The following CNTNAP2 variants were observed in gnomAD, a reference collection of about 807,000 sequenced individuals.
The protein encoded by CNTNAP2 is contactin-associated protein-like 2.
Under a neutral mutation model 155.2 loss-of-function variants are expected in CNTNAP2, and 98 were observed. That is an observed-to-expected ratio of 0.63 (90% CI 0.54 to 0.75). The LOEUF (loss-of-function observed/expected upper bound fraction) is 0.75. Among genes scored for constraint, CNTNAP2 ranks in the 30% least tolerant of loss-of-function variants. CNTNAP2 has a pLI of 0.00. For synonymous variants in CNTNAP2, 651 were observed against 631.2 expected (o/e 1.03, Z -0.47); for missense variants, 1,727 against 1,688.1 (o/e 1.02, Z -0.40).
At chr7:146,620,284 T>A (rs1204106131) in intron 1 of CNTNAP2, among the ~76,000 whole-genome samples, 1 of 152,072 alleles carries the variant, frequency 6.6e-6, no homozygotes, top group African/African-American at 2.4e-5. Flanking sequence ...AGACATACAA[T>A]CTCATCGTGA....
chr7:146,874,401 G>A (rs1795377960), intron 3 of CNTNAP2, among the ~76,000 whole-genome samples: 1 of 152,084 alleles, frequency 6.6e-6, no homozygotes, highest in South Asian at 2.1e-4. Flanking sequence ...GTGCAATGGT[G>A]CAATCTTGGC....
intron 15 of CNTNAP2, among the ~76,000 whole-genome samples, chr7:147,997,746 A>G (rs1425553997): frequency 6.6e-6 from 1 of 152,108 alleles, no homozygotes; most frequent in Non-Finnish European, 1.5e-5. Context: ...GACTCCCCTT[A>G]TGGGAGTCTT....
At chr7:147,222,811 GTTTTTT>G (rs35654327) in intron 8 of CNTNAP2, among the ~76,000 whole-genome samples, 2 of 81,922 alleles carry the variant, frequency 2.4e-5, no homozygotes, top group Non-Finnish European at 4.8e-5. Context: ...GTTTCTCAGG[GTTTTTT>G]TTTTTTTTTT....
At chr7:148,184,425 C>G (rs1263331327) in intron 18 of CNTNAP2, among the ~76,000 whole-genome samples, 1 of 152,132 alleles carries the variant, frequency 6.6e-6, no homozygotes, top group Non-Finnish European at 1.5e-5. Context: ...TGCAAATTTG[C>G]TTACTTTAGA....
At chr7:146,405,456 T>C (rs1171074463) in intron 1 of CNTNAP2, among the ~76,000 whole-genome samples, 2 of 152,254 alleles carry the variant, frequency 1.3e-5, no homozygotes, top group Admixed American at 6.5e-5. Context: ...CTGGTAGATA[T>C]AGCCTGTCAT....
At chr7:146,697,213 G>C (rs1253688067) in intron 1 of CNTNAP2, among the ~76,000 whole-genome samples, 1 of 151,878 alleles carries the variant, frequency 6.6e-6, no homozygotes, top group Non-Finnish European at 1.5e-5. Flanking sequence ...TTTCATCAGA[G>C]AGTTAATACC....
intron 2 of CNTNAP2, among the ~76,000 whole-genome samples, chr7:146,787,334 G>T (rs1802591485): frequency 6.6e-6 from 1 of 152,156 alleles, no homozygotes; most frequent in Non-Finnish European, 1.5e-5. Flanking sequence ...TGCGGTGAGG[G>T]TTACAGTTCT....
chr7:146,121,085 T>A (rs1349754887), intron 1 of CNTNAP2, among the ~76,000 whole-genome samples: 1 of 150,264 alleles, frequency 6.7e-6, no homozygotes, highest in Admixed American at 6.6e-5. Flanking sequence ...AGACAAAAAC[T>A]TACTCAAATG....
intron 1 of CNTNAP2, among the ~76,000 whole-genome samples, chr7:146,692,153 C>T (rs1474210873): frequency 1.3e-5 from 2 of 152,114 alleles, no homozygotes; most frequent in Non-Finnish European, 2.9e-5. Flanking sequence ...TGCAGTCTTA[C>T]GTAGTCTTCT....
At chr7:147,184,463 CT>C (rs1443473339) in intron 8 of CNTNAP2, among the ~76,000 whole-genome samples, 1 of 152,118 alleles carries the variant, frequency 6.6e-6, no homozygotes, top group Non-Finnish European at 1.5e-5. Flanking sequence ...TACTTATATA[CT>C]CTTACAGACT....
intron 21 of CNTNAP2, chr7:148,381,395 C>T (rs35544280): frequency 0.38 from 58,409 of 152,086 alleles, 12,255 homozygotes; most frequent in East Asian, 0.66. Context: ...TTTTTATTGC[C>T]GATGAAAGTG....
intron 2 of CNTNAP2, among the ~76,000 whole-genome samples, chr7:146,813,317 A>C (rs893586257): frequency 5.3e-5 from 8 of 152,206 alleles, no homozygotes; most frequent in Non-Finnish European, 1.2e-4. Context: ...ATACCCTGCA[A>C]AGTCACAGGG....
intron 1 of CNTNAP2, among the ~76,000 whole-genome samples, chr7:146,216,745 A>G (rs1258027125): frequency 1.3e-5 from 2 of 152,228 alleles, no homozygotes; most frequent in Non-Finnish European, 1.5e-5. Flanking sequence ...ACATGAAATC[A>G]CAAGCTAACC....
intron 1 of CNTNAP2, among the ~76,000 whole-genome samples, chr7:146,642,652 A>G (rs1257749985): frequency 6.6e-6 from 1 of 152,120 alleles, no homozygotes; most frequent in East Asian, 1.9e-4. Context: ...AGCATGATTT[A>G]TAGTCCTTTG....
At chr7:147,475,834 A>G (rs1489942446) in intron 10 of CNTNAP2, among the ~76,000 whole-genome samples, 1 of 152,170 alleles carries the variant, frequency 6.6e-6, no homozygotes, top group African/African-American at 2.4e-5. Flanking sequence ...TTTTTCTCAC[A>G]TGATAGCTGA....
chr7:147,555,765 A>G (rs1358197604), intron 11 of CNTNAP2, among the ~76,000 whole-genome samples: 1 of 152,172 alleles, frequency 6.6e-6, no homozygotes, highest in Non-Finnish European at 1.5e-5. Context: ...AAGGATGTAT[A>G]TTTCAAGTTT....
intron 11 of CNTNAP2, among the ~76,000 whole-genome samples, chr7:147,491,635 G>A (rs1798611190): frequency 6.6e-6 from 1 of 152,150 alleles, no homozygotes; most frequent in Non-Finnish European, 1.5e-5. Context: ...TGCACGCAGT[G>A]AATATGCACT....
intron 20 of CNTNAP2, among the ~76,000 whole-genome samples, chr7:148,236,766 C>G (rs1249541025): frequency 1.3e-5 from 2 of 152,162 alleles, no homozygotes; most frequent in African/African-American, 4.8e-5. Flanking sequence ...CTGGGGAGAC[C>G]TCAGGAAGCT....
At chr7:148,005,394 A>G (rs944509766) in intron 15 of CNTNAP2, among the ~76,000 whole-genome samples, 1 of 152,206 alleles carries the variant, frequency 6.6e-6, no homozygotes, top group Non-Finnish European at 1.5e-5. Flanking sequence ...TGGGGGACAC[A>G]GACATTCAGT....
Sources: gnomAD v4.1 joint callset for allele counts (sites outside exome capture counted in the v4.1 genomes callset) on GRCh38, gnomAD v4.1.1 for gene constraint, MANE v1.5 for transcripts, NCBI Gene and HGNC (gene_info 2026-07-23, HGNC 2026-07-21) for gene names.